TRIO: variants seen among roughly 807,000 people sequenced by gnomAD.
TRIO encodes triple functional domain protein.
In TRIO, 58 loss-of-function variants were observed where a neutral mutation model predicts 351.9. That is an observed-to-expected ratio of 0.16 (90% CI 0.13 to 0.21). The LOEUF (loss-of-function observed/expected upper bound fraction) is 0.21, where lower values mean the gene tolerates loss of function less well. Among genes scored for constraint, TRIO ranks in the 10% least tolerant of loss-of-function variants. The pLI, the probability that TRIO is intolerant of heterozygous loss-of-function variation, is 1.00. For synonymous variants in TRIO, 1,758 were observed against 1,595.7 expected, an observed-to-expected ratio of 1.10 and a Z score of -2.42; for missense variants, 3,201 against 4,027.8, an observed-to-expected ratio of 0.79 and a Z score of 5.56.
chr5:14,289,993 A>G (rs1736770056), intron 4 of TRIO, among the ~76,000 whole-genome samples: 1 of 152,222 alleles, frequency 6.6e-6, no homozygotes, highest in African/African-American at 2.4e-5. Context: ...TGCAATGAAT[A>G]AAACATTGCC....
intron 24 of TRIO, among the ~76,000 whole-genome samples, chr5:14,389,067 T>G (rs1374859281): frequency 6.6e-6 from 1 of 152,200 alleles, no homozygotes; most frequent in African/African-American, 2.4e-5. Flanking sequence ...AATTTGAAGC[T>G]GGGAATAATT....
chr5:14,196,305 C>T (rs778288137), intron 1 of TRIO, among the ~76,000 whole-genome samples: 1 of 151,686 alleles, frequency 6.6e-6, no homozygotes, highest in Non-Finnish European at 1.5e-5. Flanking sequence ...CTCCTGTAAT[C>T]CCAGCTACTC....
intron 11 of TRIO, among the ~76,000 whole-genome samples, chr5:14,347,394 G>A (rs1355243307): frequency 2.6e-5 from 4 of 151,982 alleles, no homozygotes; most frequent in Admixed American, 2.6e-4. Flanking sequence ...ATCTCAGGTG[G>A]ACCTGAGGTC....
intron 5 of TRIO, 91 bp from the exon 6 acceptor site, chr5:14,292,921 T>C (rs895328538): frequency 6.4e-7 from 1 of 1,565,910 alleles, no homozygotes; most frequent in African/African-American, 1.4e-5. Flanking sequence ...GGGAAGGAAG[T>C]TGCCCTTTCT....
intron 25 of TRIO, 103 bp from the exon 26 acceptor site, chr5:14,390,127 TG>T: frequency 1.0e-6 from 1 of 994,826 alleles, no homozygotes; most frequent in South Asian, 1.6e-5. Flanking sequence ...CTACATGTTT[TG>T]TTCATTCTTT....
chr5:14,504,378 T>C lies in TRIO; in HGVS notation c.8412-15T>C. ...CAGCAGCCTCTGCAAATGGTCCCCC[T>C]GACATATTTTACAGGGGCAGATTCT... On this transcript the variant is annotated splice_polypyrimidine_tract_variant and intron_variant, in intron 54 of 56. Transcript: ENST00000344204. 6.2e-7 allele frequency: 1 copy of C among 1,613,814 alleles called. No homozygotes were observed. The highest frequency in any genetic ancestry group is 8.5e-7 in the Non-Finnish European group (1 of 1,179,942).
At chr5:14,157,563 GTCTCTCTCTCT>G (rs1788189447) in intron 1 of TRIO, among the ~76,000 whole-genome samples, 2 of 119,034 alleles carry the variant, frequency 1.7e-5, no homozygotes, top group African/African-American at 6.4e-5. Context: ...CTCTCTCCCT[GTCTCTCTCTCT>G]CTCTCCCTGT....
At chr5:14,255,248 G>A (rs2152252663) in intron 1 of TRIO, among the ~76,000 whole-genome samples, 1 of 152,338 alleles carries the variant, frequency 6.6e-6, no homozygotes. Flanking sequence ...ACTTGGGAAA[G>A]TGCGTAAACG....
At chr5:14,357,755 A>T (rs1348962083) in intron 11 of TRIO, among the ~76,000 whole-genome samples, 2 of 152,084 alleles carry the variant, frequency 1.3e-5, no homozygotes, top group African/African-American at 4.8e-5. Flanking sequence ...AATAATGAAA[A>T]ATTGAAATAC....
intron 34 of TRIO, among the ~76,000 whole-genome samples, chr5:14,421,905 C>T (rs1750194155): frequency 1.3e-5 from 2 of 152,148 alleles, no homozygotes; most frequent in Admixed American, 1.3e-4. Flanking sequence ...GGCCTCTGTC[C>T]CCTGGGAAGC....
intron 33 of TRIO, among the ~76,000 whole-genome samples, chr5:14,407,388 A>G (rs1748820817): frequency 6.6e-6 from 1 of 152,258 alleles, no homozygotes; most frequent in Non-Finnish European, 1.5e-5. Flanking sequence ...AGAAATGGTC[A>G]CCAGAAGGAA....
At chr5:14,229,836 G>A (rs1396052010) in intron 1 of TRIO, among the ~76,000 whole-genome samples, 1 of 152,210 alleles carries the variant, frequency 6.6e-6, no homozygotes, top group Non-Finnish European at 1.5e-5. Flanking sequence ...GGAATGCTTA[G>A]GTATGACTGC....
intron 55 of TRIO, 197 bp downstream of exon 55, chr5:14,504,790 G>A (rs1757541593): frequency 1.5e-6 from 1 of 678,708 alleles, no homozygotes; most frequent in Admixed American, 3.0e-5. Context: ...CTTCCACAGG[G>A]CGGTTGCCTG....
At chr5:14,384,861 G>T in intron 21 of TRIO, among the ~76,000 whole-genome samples, 1 of 138,614 alleles carries the variant, frequency 7.2e-6, no homozygotes, top group Admixed American at 7.4e-5. Context: ...AGATATATAG[G>T]CAGCTCATAT....
intron 34 of TRIO, among the ~76,000 whole-genome samples, chr5:14,426,777 C>T (rs1471375431): frequency 2.0e-5 from 3 of 152,134 alleles, no homozygotes; most frequent in Admixed American, 6.5e-5. Flanking sequence ...GTAAACATGG[C>T]AGAACTGCTC....
chr5:14,320,985 G>C (rs559744212), intron 9 of TRIO, among the ~76,000 whole-genome samples: 1 of 152,306 alleles, frequency 6.6e-6, no homozygotes, highest in South Asian at 2.1e-4. Flanking sequence ...TACACATTTT[G>C]ATGGGGCATA....
intron 1 of TRIO, among the ~76,000 whole-genome samples, chr5:14,163,107 C>T (rs1788570377): frequency 6.6e-6 from 1 of 152,176 alleles, no homozygotes; most frequent in African/African-American, 2.4e-5. Context: ...ATCAACTCAT[C>T]GTCTAGGTTT....
At position 14,378,133 on chromosome 5, in the gene TRIO, T is replaced by TG; in HGVS notation, c.3447+7dup. 1.2e-6 allele frequency: 2 copies of TG among 1,603,396 alleles called. No homozygotes were observed. The highest frequency in any genetic ancestry group is 1.7e-6 in the Non-Finnish European group (2 of 1,173,688). On this transcript the variant is annotated splice_region_variant and intron_variant, in intron 20 of 56. Coordinates refer to ENST00000344204, the MANE Select transcript of TRIO (RefSeq NM_007118.4). Reference sequence around the variant, plus strand: ...TTGAGAGGAGTGCCAAGCAGGTCAGTGCACACCTGGTGCCCAGCCTCCCCC... The same window carrying TG: ...TTGAGAGGAGTGCCAAGCAGGTCAGTGGCACACCTGGTGCCCAGCCTCCCCC...
chr5:14,488,313 A>G (rs1393875337), intron 48 of TRIO, 53 bp downstream of exon 48: 14 of 1,417,502 alleles, frequency 9.9e-6, no homozygotes, highest in East Asian at 2.8e-5. Context: ...CTGTCCCGCC[A>G]GCTCTAAACG....
Sources: allele counts gnomAD v4.1 joint callset (sites outside exome capture counted in the v4.1 genomes callset), GRCh38; gene constraint gnomAD v4.1.1; transcripts MANE v1.5; gene names NCBI Gene and HGNC (gene_info 2026-07-23, HGNC 2026-07-21).